BMP6: variants seen among roughly 807,000 people sequenced by gnomAD.
BMP6 encodes bone morphogenetic protein 6.
A neutral mutation model predicts 54.1 loss-of-function variants in BMP6; 17 were observed. That is an observed-to-expected ratio of 0.31 (90% CI 0.22 to 0.47). The LOEUF (loss-of-function observed/expected upper bound fraction) is 0.47, where lower values mean the gene tolerates loss of function less well. BMP6 is among the 20% of genes least tolerant of loss of function. The probability of loss-of-function intolerance (pLI) is 1.00; values close to 1 mark genes in which losing one functional copy is unlikely to be tolerated. For missense variants in BMP6, 720 were observed against 690.4 expected (o/e 1.04, Z -0.48); for synonymous variants, 328 against 291.2 (o/e 1.13, Z -1.28).
chr6:7,871,524 C>T (rs748133073), intron 4 of BMP6, among the ~76,000 whole-genome samples: 2 of 152,194 alleles, frequency 1.3e-5, no homozygotes, highest in Non-Finnish European at 2.9e-5. Context: ...TTGCCCAAAC[C>T]CACCTATGGC....
At chr6:7,848,988 A>G (rs1207389898) in intron 2 of BMP6, among the ~76,000 whole-genome samples, 2 of 152,244 alleles carry the variant, frequency 1.3e-5, no homozygotes, top group East Asian at 1.9e-4. Flanking sequence ...TTGAGAGAAC[A>G]AAGTATGGCA....
chr6:7,779,009 A>G (rs1287120294), intron 1 of BMP6, among the ~76,000 whole-genome samples: 1 of 152,250 alleles, frequency 6.6e-6, no homozygotes, highest in African/African-American at 2.4e-5. Flanking sequence ...TCAAACAGGT[A>G]GGCATTCAAA....
chr6:7,860,813 A>G (rs756637495), intron 2 of BMP6, among the ~76,000 whole-genome samples: 8 of 152,190 alleles, frequency 5.3e-5, no homozygotes, highest in Non-Finnish European at 1.0e-4. Context: ...TCCTTATTTC[A>G]TAGGAACAAA....
intron 1 of BMP6, among the ~76,000 whole-genome samples, chr6:7,831,655 G>T (rs1384482834): frequency 6.6e-6 from 1 of 152,210 alleles, no homozygotes; most frequent in Non-Finnish European, 1.5e-5. Flanking sequence ...CGTGCTTGAA[G>T]TTTGCATCCT....
chr6:7,807,722 G>T (rs1437038091), intron 1 of BMP6, among the ~76,000 whole-genome samples: 2 of 152,094 alleles, frequency 1.3e-5, no homozygotes, highest in Non-Finnish European at 2.9e-5. Flanking sequence ...CCCTTGTTAT[G>T]TTGGAGGTTA....
At chr6:7,858,085 GATTT>G (rs561126119) in intron 2 of BMP6, among the ~76,000 whole-genome samples, 27 of 152,030 alleles carry the variant, frequency 1.8e-4, no homozygotes, top group African/African-American at 5.1e-4. Context: ...ACTGGTGATC[GATTT>G]ATTTATTTAT....
intron 4 of BMP6, among the ~76,000 whole-genome samples, chr6:7,872,937 C>A (rs1759552934): frequency 6.6e-6 from 1 of 151,664 alleles, no homozygotes; most frequent in Non-Finnish European, 1.5e-5. Flanking sequence ...CTTAGCCTCC[C>A]AAATAGCCGA....
chr6:7,859,671 C>A (rs1400374482), intron 2 of BMP6, among the ~76,000 whole-genome samples: 1 of 147,508 alleles, frequency 6.8e-6, no homozygotes, highest in Non-Finnish European at 1.5e-5. Flanking sequence ...TCCATGGACA[C>A]CCCCCGCACC....
intron 1 of BMP6, among the ~76,000 whole-genome samples, chr6:7,822,482 G>A (rs1359762032): frequency 6.6e-6 from 1 of 152,062 alleles, no homozygotes; most frequent in Non-Finnish European, 1.5e-5. Context: ...GCCCAGTTCC[G>A]GAACCACCTT....
At chr6:7,855,260 C>T (rs1759206970) in intron 2 of BMP6, among the ~76,000 whole-genome samples, 1 of 152,156 alleles carries the variant, frequency 6.6e-6, no homozygotes, top group South Asian at 2.1e-4. Flanking sequence ...GTCCTTGGCT[C>T]ACAAAGTATG....
intron 1 of BMP6, among the ~76,000 whole-genome samples, chr6:7,777,218 A>C (rs1757874806): frequency 6.6e-6 from 1 of 152,218 alleles, no homozygotes; most frequent in Non-Finnish European, 1.5e-5. Flanking sequence ...GAAGGAGGTC[A>C]GAGGTGCTGG....
intron 1 of BMP6, among the ~76,000 whole-genome samples, chr6:7,773,643 A>G (rs768893996): frequency 2.6e-5 from 4 of 152,236 alleles, no homozygotes; most frequent in Non-Finnish European, 4.4e-5. Context: ...TTAAAAGGAA[A>G]GGGATAAAGA....
intron 1 of BMP6, among the ~76,000 whole-genome samples, chr6:7,830,427 A>G (rs779100524): frequency 6.6e-6 from 1 of 152,144 alleles, no homozygotes; most frequent in Non-Finnish European, 1.5e-5. Flanking sequence ...TTCTGCTCAG[A>G]GGTCCTACAT....
At chr6:7,743,043 A>C (rs777384202) in intron 1 of BMP6, among the ~76,000 whole-genome samples, 23 of 152,198 alleles carry the variant, frequency 1.5e-4, no homozygotes, top group Non-Finnish European at 2.4e-4. Flanking sequence ...GACATAGACC[A>C]CAGAAGTAGC....
intron 1 of BMP6, among the ~76,000 whole-genome samples, chr6:7,751,375 A>C (rs992898871): frequency 1.3e-5 from 2 of 152,202 alleles, no homozygotes; most frequent in Non-Finnish European, 2.9e-5. Flanking sequence ...CCAAATGCTT[A>C]GTTTATTATA....
At position 7,881,110 on chromosome 6, in the gene BMP6, T is replaced by TG. The variant is rs1451886214; in HGVS notation, c.*768dup. On this transcript the variant is annotated 3_prime_UTR_variant, in exon 7 of 7. Coordinates refer to ENST00000283147, the MANE Select transcript of BMP6 (RefSeq NM_001718.6). ...CCTCTTCTTTACCAGAACGGTTCTT[T>TG]GACCAGCACATTAACTTCTGGACTG... The TG allele has an allele frequency of 6.6e-6, 1 of 152,296 alleles. No individual in the cohort carries two copies. Among genetic ancestry groups the TG allele is most frequent in the Non-Finnish European group, 1.5e-5 (1 of 68,086 alleles). The allele number at this position is 152,296 out of a possible 1,614,324, so 9.4% of individuals were successfully genotyped here. A position where few individuals can be genotyped will look rare whatever the true frequency, so the allele number is the denominator to read the frequency against.
chr6:7,840,773 A>G (rs532300417), intron 1 of BMP6, among the ~76,000 whole-genome samples: 1 of 152,288 alleles, frequency 6.6e-6, no homozygotes, highest in East Asian at 1.9e-4. Context: ...TTATCATTTC[A>G]AAAACTGTCT....
intron 4 of BMP6, among the ~76,000 whole-genome samples, chr6:7,877,657 G>A (rs1168834654): frequency 3.3e-5 from 5 of 151,980 alleles, no homozygotes; most frequent in Non-Finnish European, 7.4e-5. Flanking sequence ...AAATCTGCAC[G>A]CTCTCTCCTG....
At chr6:7,754,501 C>T (rs1350295907) in intron 1 of BMP6, among the ~76,000 whole-genome samples, 3 of 152,046 alleles carry the variant, frequency 2.0e-5, no homozygotes, top group African/African-American at 4.8e-5. Flanking sequence ...CTTCTTTTTT[C>T]AGTTCTGTCA....
Sources: gnomAD v4.1 joint callset for allele counts (sites outside exome capture counted in the v4.1 genomes callset) on GRCh38, gnomAD v4.1.1 for gene constraint, MANE v1.5 for transcripts, NCBI Gene and HGNC (gene_info 2026-07-23, HGNC 2026-07-21) for gene names.